DNAH17: variants seen among roughly 807,000 people sequenced by gnomAD.
DNAH17 encodes the protein dynein axonemal heavy chain 17.
In DNAH17, 376 loss-of-function variants were observed where a neutral mutation model predicts 485.6. That is an observed-to-expected ratio of 0.77 (90% CI 0.71 to 0.84). The LOEUF is 0.84. Among genes scored for constraint, DNAH17 ranks in the 40% least tolerant of loss-of-function variants. The pLI, the probability that DNAH17 is intolerant of heterozygous loss-of-function variation, is 0.00. For missense variants in DNAH17, 6,370 were observed against 5,839.3 expected (o/e 1.09, Z -2.96); for synonymous variants, 3,031 against 2,405.9 (o/e 1.26, Z -7.60).
At chr17:78,557,415 C>T (rs750007949) in intron 14 of DNAH17, among the ~76,000 whole-genome samples, 3 of 151,928 alleles carry the variant, frequency 2.0e-5, no homozygotes, top group Admixed American at 6.6e-5. Context: ...GTCAAGAGTT[C>T]GAGACCAGCC....
intron 31 of DNAH17, among the ~76,000 whole-genome samples, chr17:78,504,364 C>A (rs1301792491): frequency 6.6e-6 from 1 of 152,056 alleles, no homozygotes; most frequent in East Asian, 1.9e-4. Context: ...CGCGCCCGGC[C>A]AGATTTTTCC....
intron 69 of DNAH17, 141 bp from the exon 70 acceptor site, chr17:78,445,821 AGTTTTGTCTTCACCTC>A: frequency 1.1e-6 from 1 of 880,770 alleles, no homozygotes; most frequent in Non-Finnish European, 1.7e-6. Flanking sequence ...TTTGGGGTAA[AGTTTTGTCTTCACCTC>A]GTCTCGCTTT....
At chr17:78,433,172 C>T (rs550370265) in intron 75 of DNAH17, among the ~76,000 whole-genome samples, 3 of 152,282 alleles carry the variant, frequency 2.0e-5, no homozygotes, top group South Asian at 2.1e-4. Context: ...GCCTTCTGGG[C>T]GAGGGGCTCC....
Position 78,449,455 on chromosome 17 carries a change from C to G in DNAH17, c.11170G>C (p.Glu3724Gln). The G allele has an allele frequency of 1.9e-6, 3 of 1,553,738 alleles. No individual in the cohort carries two copies. The highest frequency in any genetic ancestry group is 2.6e-6 in the Non-Finnish European group (3 of 1,148,206). Residue 3724 changes from glutamate (E) to glutamine (Q), a missense_variant, in exon 69 of 81, where the codon GAG becomes CAG. Transcript: ENST00000389840. ...VYMYTARGLF[E>Q]RDKLIFLAQV... The stretch of plus-strand genomic sequence containing the variant: ...GCCAGGAAAATGAGTTTGTCCCTCT[C>G]GAAGAGTCCCCGGGCCGTGTACATG...
intron 72 of DNAH17, among the ~76,000 whole-genome samples, chr17:78,440,559 T>C (rs1181097936): frequency 6.6e-6 from 1 of 152,140 alleles, no homozygotes; most frequent in Non-Finnish European, 1.5e-5. Flanking sequence ...GCCCCCGGCC[T>C]GCTTCACTCT....
intron 54 of DNAH17, chr17:78,472,827 C>A: frequency 2.3e-6 from 1 of 436,912 alleles, no homozygotes; most frequent in South Asian, 1.6e-5. Context: ...TGTGCCCCAG[C>A]TCCACCCAGG....
chr17:78,572,947 A>AACC, intron 2 of DNAH17, 53 bp from the exon 3 acceptor site: 1 of 1,537,560 alleles, frequency 6.5e-7, no homozygotes, highest in Non-Finnish European at 8.9e-7. Context: ...CCAGCTCGGC[A>AACC]ACCGCACAGA....
rs1001363348 is a variant in DNAH17, at chr17:78,569,610, G to C, written c.1045-83C>G. On this transcript the variant is annotated intron_variant, in intron 7 of 80. Transcript: ENST00000389840. Reference sequence around the variant, plus strand: ...CAGGCACGCCGCCTGCAGGACCTGTGATCTGTTCTGACATATGGATATCTG... The same window carrying C: ...CAGGCACGCCGCCTGCAGGACCTGTCATCTGTTCTGACATATGGATATCTG... 27 of 1,476,878 alleles carry C rather than the reference G, an allele frequency of 1.8e-5. No homozygotes were observed. The Admixed American group carries it at 5.3e-4, about 29-fold the overall frequency. 91.5% of individuals were successfully genotyped at this position (1,476,878 alleles called of 1,614,324 possible).
At chr17:78,518,268 T>A (rs2090841415) in intron 25 of DNAH17, among the ~76,000 whole-genome samples, 2 of 152,058 alleles carry the variant, frequency 1.3e-5, no homozygotes, top group African/African-American at 4.8e-5. Context: ...AACACAAAAA[T>A]ATAGGTAGCT....
chr17:78,472,271 T>TTGGGGTGCG (rs1568106254), intron 54 of DNAH17, among the ~76,000 whole-genome samples: 3 of 131,874 alleles, frequency 2.3e-5, no homozygotes, highest in East Asian at 2.1e-4. Context: ...GGTTAGGGAG[T>TTGGGGTGCG]AGGGGTGCGA....
chr17:78,434,089 G>A lies in DNAH17; in HGVS notation c.12165C>T (p.Asn4055=), dbSNP rs778091399. ...AQGWNRSYPF[N]NGDLTISINV... ...TGATGGAGATGGTGAGGTCCCCGTT[G>A]TTGAAGGGGTACGACCGGTTCCAGC... Residue 4055 remains asparagine, a synonymous_variant, in exon 75 of 81, where the codon AAC becomes AAT. Transcript: ENST00000389840. 49 of 1,613,640 alleles carry A rather than the reference G, an allele frequency of 3.0e-5. No homozygotes were observed. Among genetic ancestry groups the A allele is most frequent in the Non-Finnish European group, 4.1e-5 (48 of 1,179,810 alleles).
At chr17:78,449,221 T>C (rs954368500) in intron 69 of DNAH17, among the ~76,000 whole-genome samples, 193 bp downstream of exon 69, 1 of 152,094 alleles carries the variant, frequency 6.6e-6, no homozygotes, top group Non-Finnish European at 1.5e-5. Context: ...AAATATCAAC[T>C]AGGAGAGCCC....
chr17:78,448,912 G>T (rs1568065080), intron 69 of DNAH17, among the ~76,000 whole-genome samples: 1 of 152,190 alleles, frequency 6.6e-6, no homozygotes, highest in Non-Finnish European at 1.5e-5. Flanking sequence ...ATTGTTTATA[G>T]ATTACTCAGC....
chr17:78,458,609 C>T lies in DNAH17; in HGVS notation c.9933G>A (p.Gln3311=). ...EKATAEKIKC[Q]QEADATNRVI... is the part of the protein sequence containing the mutation. ...CCCTGTTCGTGGCATCGGCCTCTTG[C>T]TGACACTTGATTTTCTCAGCTGTTG... Residue 3311 remains glutamine, a synonymous_variant, in exon 62 of 81, where the codon CAG becomes CAA. Transcript: ENST00000389840. The T allele has an allele frequency of 5.6e-6, 9 of 1,614,022 alleles. No individual in the cohort carries two copies. Among genetic ancestry groups the T allele is most frequent in the Non-Finnish European group, 7.6e-6 (9 of 1,179,894 alleles).
At chr17:78,566,865 C>CCCA in intron 10 of DNAH17, 134 bp downstream of exon 10, 5 of 1,330,892 alleles carry the variant, frequency 3.8e-6, no homozygotes, top group Non-Finnish European at 5.1e-6. Flanking sequence ...GACCGCTCTA[C>CCCA]ACAGTTTTCA....
intron 51 of DNAH17, among the ~76,000 whole-genome samples, 195 bp from the exon 52 acceptor site, chr17:78,476,928 G>C (rs1374829065): frequency 1.3e-5 from 2 of 152,192 alleles, no homozygotes; most frequent in African/African-American, 4.8e-5. Context: ...CAGTGTGTGT[G>C]TGTGTCCTGA....
At position 78,514,517 on chromosome 17, in the gene DNAH17, A is replaced by G. The variant is rs201653120; in HGVS notation, c.4113+257T>C. 4.3e-4 allele frequency among the ~76,000 whole-genome samples: 65 copies of G among 149,586 alleles called. 1 individual carries two copies. In the East Asian group the frequency reaches 9.9e-3, roughly 23 times the overall value. On this transcript the variant is annotated intron_variant, in intron 26 of 80. Coordinates refer to ENST00000389840, the MANE Select transcript of DNAH17 (RefSeq NM_173628.4). Reference sequence around the variant, plus strand: ...AGACTCCGTCTCAAAAAAAAAAAAAAAAAAAGAAAAAGAAAATTACTAAGA... The same window carrying G: ...AGACTCCGTCTCAAAAAAAAAAAAAGAAAAAGAAAAAGAAAATTACTAAGA...
At chr17:78,452,111 G>C (rs1255657212) in intron 65 of DNAH17, among the ~76,000 whole-genome samples, 1 of 151,704 alleles carries the variant, frequency 6.6e-6, no homozygotes, top group Non-Finnish European at 1.5e-5. Context: ...TTGTAGCTGG[G>C]CTCACTTTGA....
At chr17:78,528,841 T>TC (rs937434676) in intron 22 of DNAH17, among the ~76,000 whole-genome samples, 83 of 151,400 alleles carry the variant, frequency 5.5e-4, no homozygotes, top group African/African-American at 1.9e-3. Flanking sequence ...GCCTAATCCC[T>TC]CCCCAGGGTC....
Sources: allele counts gnomAD v4.1 joint callset (sites outside exome capture counted in the v4.1 genomes callset), GRCh38; gene constraint gnomAD v4.1.1; transcripts MANE v1.5; gene names NCBI Gene and HGNC (gene_info 2026-07-23, HGNC 2026-07-21).